The following EPHB1 variants were observed in gnomAD, a reference collection of about 807,000 sequenced individuals.
EPHB1 encodes the protein ephrin type-B receptor 1.
Under a neutral mutation model 94.4 loss-of-function variants are expected in EPHB1, and 30 were observed. The ratio of observed to expected loss-of-function variants is 0.32; its 90% CI spans 0.24 to 0.43. EPHB1 has a LOEUF of 0.43. EPHB1 is among the 20% of genes least tolerant of loss of function. The pLI is 1.00. For synonymous variants in EPHB1, 522 were observed against 489.1 expected (o/e 1.07, Z -0.89); for missense variants, 1,055 against 1,308.3 (o/e 0.81, Z 2.99).
intron 15 of EPHB1, 98 bp from the exon 16 acceptor site, chr3:135,258,914 T>A (rs977053861): frequency 9.4e-7 from 1 of 1,058,814 alleles, no homozygotes; most frequent in Non-Finnish European, 1.4e-6. Flanking sequence ...TTTTGTAGCA[T>A]GGCTACTTCC....
At chr3:134,934,890 G>A (rs951239889) in intron 2 of EPHB1, among the ~76,000 whole-genome samples, 9 of 152,170 alleles carry the variant, frequency 5.9e-5, no homozygotes, top group Admixed American at 5.9e-4. Flanking sequence ...CTCTGGGAGG[G>A]AATTCCAGAG....
intron 12 of EPHB1, among the ~76,000 whole-genome samples, chr3:135,210,957 C>T (rs1023147791): frequency 1.4e-4 from 21 of 152,312 alleles, no homozygotes; most frequent in African/African-American, 4.8e-4. Flanking sequence ...GGCACAGAGA[C>T]GCGGTGGTAT....
At chr3:135,144,470 G>T (rs1940944229) in intron 5 of EPHB1, among the ~76,000 whole-genome samples, 1 of 152,170 alleles carries the variant, frequency 6.6e-6, no homozygotes, top group Non-Finnish European at 1.5e-5. Context: ...TGTCTTACCA[G>T]TTCCCAGGTG....
intron 1 of EPHB1, among the ~76,000 whole-genome samples, chr3:134,816,243 C>G (rs1347078887): frequency 6.6e-6 from 1 of 151,814 alleles, no homozygotes; most frequent in East Asian, 1.9e-4. Context: ...CCACCACAGC[C>G]AGCTAATTTT....
chr3:135,111,329 T>C (rs546017710), intron 4 of EPHB1, among the ~76,000 whole-genome samples: 47 of 152,294 alleles, frequency 3.1e-4, no homozygotes, highest in African/African-American at 1.0e-3. Context: ...TGATCAGAGT[T>C]TTAACAAGCC....
chr3:134,889,614 A>G (rs747527026), intron 1 of EPHB1, among the ~76,000 whole-genome samples: 3 of 151,948 alleles, frequency 2.0e-5, no homozygotes, highest in Non-Finnish European at 4.4e-5. Flanking sequence ...ATATCTGCTA[A>G]GACTATTTGC....
intron 5 of EPHB1, among the ~76,000 whole-genome samples, chr3:135,142,958 A>G (rs1411029867): frequency 6.6e-6 from 1 of 152,158 alleles, no homozygotes. Context: ...GGTGTGAAAG[A>G]GACAGTGGGG....
At position 134,951,624 on chromosome 3, in the gene EPHB1, C is replaced by T; in HGVS notation, c.377C>T (p.Ser126Leu). The change falls in exon 3 of 16, where the codon TCA becomes TTA. Residue 126 changes from serine (S) to leucine (L), a missense_variant. Ser to Leu is a moderately radical substitution (Grantham distance 145, BLOSUM62 -2). Transcript: ENST00000398015. The surrounding 1 kb of genome is among the most constrained non-coding windows in gnomAD (Gnocchi z 4.5). The part of the protein sequence containing the change: ...ETDSVIATKK[S>L]AFWSEAPYLK... Reference sequence around the variant, plus strand: ...GACTCTGTCATTGCCACCAAGAAGTCAGCCTTCTGGTCTGAGGCCCCCTAC... The same window carrying T: ...GACTCTGTCATTGCCACCAAGAAGTTAGCCTTCTGGTCTGAGGCCCCCTAC... 6.2e-7 allele frequency: 1 copy of T among 1,614,122 alleles called. No individual in the cohort carries two copies. The highest frequency in any genetic ancestry group is 8.5e-7 in the Non-Finnish European group (1 of 1,179,998).
At chr3:135,077,336 C>G (rs561618561) in intron 3 of EPHB1, among the ~76,000 whole-genome samples, 84 of 152,348 alleles carry the variant, frequency 5.5e-4, no homozygotes, top group South Asian at 2.3e-3. Context: ...TTTGTTCTCT[C>G]TTTCTCACCC....
chr3:135,192,221 A>G (rs745356086), intron 10 of EPHB1, among the ~76,000 whole-genome samples: 1 of 95,162 alleles, frequency 1.1e-5, no homozygotes, highest in Non-Finnish European at 2.1e-5. Context: ...CTAAAAATGA[A>G]TCATGATCCT....
intron 3 of EPHB1, among the ~76,000 whole-genome samples, chr3:135,056,748 G>A (rs1937360515): frequency 6.6e-6 from 1 of 152,228 alleles, no homozygotes; most frequent in South Asian, 2.1e-4. Flanking sequence ...GTTTCTTGGA[G>A]CCCTCGCAGA....
intron 5 of EPHB1, among the ~76,000 whole-genome samples, chr3:135,146,038 T>C (rs1254107522): frequency 6.6e-6 from 1 of 152,206 alleles, no homozygotes; most frequent in Admixed American, 6.5e-5. Flanking sequence ...TTTATTGCAC[T>C]GATGGAGAGC....
chr3:134,935,001 T>C (rs1404413911), intron 2 of EPHB1, among the ~76,000 whole-genome samples: 4 of 152,186 alleles, frequency 2.6e-5, no homozygotes, highest in African/African-American at 9.7e-5. Flanking sequence ...AAGAGGACAG[T>C]AGCCCCACTA....
chr3:135,151,155 G>A (rs1468489960), intron 5 of EPHB1, among the ~76,000 whole-genome samples: 1 of 152,158 alleles, frequency 6.6e-6, no homozygotes, highest in African/African-American at 2.4e-5. Context: ...CATGGCCCCT[G>A]CATTCTATTT....
At chr3:135,248,608 G>C (rs1441125881) in intron 14 of EPHB1, 99 bp downstream of exon 14, 1 of 1,287,202 alleles carries the variant, frequency 7.8e-7, no homozygotes, top group Non-Finnish European at 1.1e-6. Flanking sequence ...ATTTTTTAAA[G>C]AGTATCTAGT....
intron 15 of EPHB1, among the ~76,000 whole-genome samples, chr3:135,255,479 G>A (rs1275532321): frequency 1.4e-5 from 2 of 144,982 alleles, no homozygotes; most frequent in Admixed American, 6.9e-5. Flanking sequence ...TATGTACCCA[G>A]TAGTCATTCA....
chr3:135,211,582 G>T (rs528235126), intron 12 of EPHB1, among the ~76,000 whole-genome samples: 1 of 151,956 alleles, frequency 6.6e-6, no homozygotes, highest in Non-Finnish European at 1.5e-5. Context: ...TTTATAGTTT[G>T]GGTTTTCTTT....
At chr3:134,879,056 G>A (rs185436054) in intron 1 of EPHB1, among the ~76,000 whole-genome samples, 5 of 152,188 alleles carry the variant, frequency 3.3e-5, no homozygotes. Context: ...ATGTGATCTT[G>A]TCTGGTGCAC....
rs796214416 is a variant in EPHB1 at position 134,936,571 on chromosome 3, G to GC, written c.123+10699dup. Reference sequence around the variant, plus strand: ...CCTCAGTGTCAGTGGGGCTGAACGCGCCCCCCCCTCCATTTGAGATGCTGC... The same window carrying GC: ...CCTCAGTGTCAGTGGGGCTGAACGCGCCCCCCCCCTCCATTTGAGATGCTGC... On this transcript the variant is annotated intron_variant, in intron 2 of 15. Coordinates refer to ENST00000398015, the MANE Select transcript of EPHB1 (RefSeq NM_004441.5). Among the ~76,000 whole-genome samples the GC allele has an allele frequency of 8.6e-3, 1,305 of 151,468 alleles. 22 individuals are homozygous for GC. Among genetic ancestry groups the GC allele is most frequent in the African/African-American group, 0.03 (1,221 of 41,316 alleles).
Sources: gnomAD v4.1 joint callset for allele counts (sites outside exome capture counted in the v4.1 genomes callset) on GRCh38, gnomAD v4.1.1 for gene constraint, Gnocchi (gnomAD v3.1) non-coding constraint, MANE v1.5 for transcripts, NCBI Gene and HGNC (gene_info 2026-07-23, HGNC 2026-07-21) for gene names.